Variants in SSPN observed in about 807,000 individuals in gnomAD.
SSPN encodes K-ras oncogene-associated protein.
In SSPN, 15 loss-of-function variants were observed where a neutral mutation model predicts 19.1. The observed-to-expected ratio is 0.78, with a 90% CI of 0.52 to 1.21. The LOEUF (loss-of-function observed/expected upper bound fraction) is 1.21. SSPN is among the 50% of genes most tolerant of loss of function. The pLI is 0.00. For synonymous variants in SSPN, 147 were observed against 140.3 expected, an observed-to-expected ratio of 1.05 and a Z score of -0.34; for missense variants, 291 against 314.0, an observed-to-expected ratio of 0.93 and a Z score of 0.55.
intron 1 of SSPN, chr12:26,122,299 C>T: frequency 8.5e-7 from 1 of 1,182,400 alleles, no homozygotes; most frequent in Non-Finnish European, 1.0e-6. Context: ...GCGGCGGCGG[C>T]AGCGGCGGCG....
chr12:26,220,049 TC>T (rs748991327), intron 1 of SSPN, among the ~76,000 whole-genome samples: 4 of 152,096 alleles, frequency 2.6e-5, no homozygotes, highest in Non-Finnish European at 5.9e-5. Flanking sequence ...GAATGCCGTG[TC>T]TTCCTGGCAC....
intron 1 of SSPN, among the ~76,000 whole-genome samples, chr12:26,133,158 A>G (rs904291348): frequency 3.9e-5 from 6 of 152,204 alleles, no homozygotes; most frequent in African/African-American, 1.4e-4. Context: ...TCAGCAGTTC[A>G]ACCTGGAAAG....
At chr12:26,200,651 A>G (rs1052262873) in intron 1 of SSPN, among the ~76,000 whole-genome samples, 1 of 152,210 alleles carries the variant, frequency 6.6e-6, no homozygotes, top group Non-Finnish European at 1.5e-5. Context: ...CCTCAAGTCA[A>G]GAAGCTAAAT....
chr12:26,152,252 C>T (rs1034598559), intron 1 of SSPN, among the ~76,000 whole-genome samples: 2 of 152,118 alleles, frequency 1.3e-5, no homozygotes, highest in Non-Finnish European at 2.9e-5. Flanking sequence ...AGCAGCTTAC[C>T]ATTATGTAAT....
intron 1 of SSPN, among the ~76,000 whole-genome samples, chr12:26,136,587 A>G (rs1459501076): frequency 1.3e-5 from 2 of 152,244 alleles, no homozygotes; most frequent in African/African-American, 4.8e-5. Flanking sequence ...CTTGGTTAAA[A>G]TTATGAGTGT....
At chr12:26,183,754 T>C (rs2137444526) in intron 1 of SSPN, among the ~76,000 whole-genome samples, 1 of 152,330 alleles carries the variant, frequency 6.6e-6, no homozygotes, top group African/African-American at 2.4e-5. Flanking sequence ...TGCCGCAAGT[T>C]GCTGGCTGGG....
chr12:26,167,584 GA>G (rs1338827317), intron 1 of SSPN, among the ~76,000 whole-genome samples: 2 of 152,152 alleles, frequency 1.3e-5, no homozygotes, highest in African/African-American at 4.8e-5. Context: ...CAGCAGGCAT[GA>G]AAAACTTTCC....
At chr12:26,156,291 G>T (rs1419139754) in intron 1 of SSPN, among the ~76,000 whole-genome samples, 1 of 152,138 alleles carries the variant, frequency 6.6e-6, no homozygotes, top group Non-Finnish European at 1.5e-5. Context: ...GATTAGAACC[G>T]CTGTCTGCAG....
intron 1 of SSPN, among the ~76,000 whole-genome samples, chr12:26,206,068 A>G (rs1358928140): frequency 6.6e-6 from 1 of 152,128 alleles, no homozygotes; most frequent in Non-Finnish European, 1.5e-5. Flanking sequence ...CAGTCACCAA[A>G]TCGTGTGCGT....
chr12:26,151,976 C>T (rs1944528540), intron 1 of SSPN, among the ~76,000 whole-genome samples: 1 of 152,104 alleles, frequency 6.6e-6, no homozygotes, highest in Admixed American at 6.6e-5. Context: ...GATGTCACAC[C>T]AGATAATACT....
At position 26,160,048 on chromosome 12, in the gene SSPN, A is replaced by C. The variant is rs118063818; in HGVS notation, c.-31+37896A>C. 5.1e-4 allele frequency among the ~76,000 whole-genome samples: 78 copies of C among 152,320 alleles called. No individual in the cohort carries two copies. In the East Asian group the frequency reaches 0.013, roughly 26 times the overall value. On this transcript the variant is annotated intron_variant, in intron 1 of 2. Transcript: ENST00000538142. ...GGGTGAACCTGTTCCTTGAAGCACTATCAGCCACTGAGGGCAAGACTGGGA... is the reference window on the plus strand; with the variant it reads ...GGGTGAACCTGTTCCTTGAAGCACTCTCAGCCACTGAGGGCAAGACTGGGA...
intron 1 of SSPN, chr12:26,123,999 T>C (rs959229170): frequency 9.4e-7 from 1 of 1,061,812 alleles, no homozygotes; most frequent in African/African-American, 1.6e-5. Context: ...TTTATTCTTA[T>C]ATTTTCTGGG....
At chr12:26,182,607 CCCTTCCCTTCCCTTCCCTTCCCTTCCCTT>C in intron 1 of SSPN, among the ~76,000 whole-genome samples, 2 of 54,428 alleles carry the variant, frequency 3.7e-5, no homozygotes, top group Non-Finnish European at 1.3e-4. Context: ...CCCTTCCCTT[CCCTTCCCTTCCCTTCCCTTCCCTTCCCTT>C]CCCTTCCCTT....
intron 1 of SSPN, among the ~76,000 whole-genome samples, chr12:26,146,671 A>C (rs769001835): frequency 4.6e-5 from 7 of 152,094 alleles, no homozygotes; most frequent in Non-Finnish European, 8.8e-5. Context: ...AAGAATACAA[A>C]AATTAGCCAG....
In SSPN at chr12:26,224,314, GGCTTGTTTAT is replaced by G; in HGVS notation, c.306_315del (p.Leu102PhefsTer17). 6.2e-7 allele frequency: 1 copy of G among 1,613,926 alleles called. No homozygotes were observed. The highest frequency in any genetic ancestry group is 8.5e-7 in the Non-Finnish European group (1 of 1,179,884). ...GCAGGTCTGCTTAGTGGCCTATCTT[GGCTTGTTTAT>G]GCTTTGTGTCTCATATCAGGTTGAC... is the stretch of plus-strand genomic sequence containing the variant. On this transcript the variant is annotated frameshift_variant, in exon 2 of 3. Coordinates refer to ENST00000242729, the MANE Select transcript of SSPN (RefSeq NM_005086.5). LOFTEE classifies it high-confidence loss of function.
In SSPN at chr12:26,231,904, G is replaced by A. The variant is rs1348537942; in HGVS notation, c.*828G>A. The A allele has an allele frequency of 1.0e-6, 1 of 976,542 alleles. No homozygotes were observed. The highest frequency in any genetic ancestry group is 1.8e-5 in the African/African-American group (1 of 56,990). The allele number at this position is 976,542 out of a possible 1,614,324, so 60.5% of individuals were successfully genotyped here. A position where few individuals can be genotyped will look rare whatever the true frequency, so the allele number is the denominator to read the frequency against. On this transcript the variant is annotated 3_prime_UTR_variant, in exon 3 of 3. Coordinates refer to ENST00000242729, the MANE Select transcript of SSPN (RefSeq NM_005086.5). ...AATTATGCTCAGAAGTCTATTTAATGAGCTCTGACTGTACTTACGCTGCAC... is the reference window on the plus strand; with the variant it reads ...AATTATGCTCAGAAGTCTATTTAATAAGCTCTGACTGTACTTACGCTGCAC...
upstream of SSPN, among the ~76,000 whole-genome samples, chr12:26,191,833 C>G (rs1185884884): frequency 6.6e-6 from 1 of 152,118 alleles, no homozygotes; most frequent in Non-Finnish European, 1.5e-5. Context: ...TTGTTTTCTG[C>G]AGAGTATTTG....
chr12:26,158,200 TTTC>T (rs1944567003), intron 1 of SSPN, among the ~76,000 whole-genome samples: 1 of 151,798 alleles, frequency 6.6e-6, no homozygotes, highest in African/African-American at 2.4e-5. Context: ...ATCATGTATT[TTTC>T]TTTTTTTCTG....
At chr12:26,187,053 C>G (rs11048425) in intron 1 of SSPN, among the ~76,000 whole-genome samples, 57,373 of 152,172 alleles carry the variant, frequency 0.38, 13,124 homozygotes, top group Admixed American at 0.54. Context: ...GGAAGCCCCC[C>G]ACTGGTAGCT....
Sources: allele counts gnomAD v4.1 joint callset (sites outside exome capture counted in the v4.1 genomes callset), GRCh38; gene constraint gnomAD v4.1.1; transcripts MANE v1.5; gene names NCBI Gene and HGNC (gene_info 2026-07-23, HGNC 2026-07-21).